Variants in CYP26C1 observed in about 807,000 individuals in gnomAD.
The protein encoded by CYP26C1 is cytochrome P450 family 26 subfamily C member 1.
CYP26C1 carries 41 observed loss-of-function variants against 39.1 expected under a neutral mutation model. The observed-to-expected ratio is 1.05, with a 90% CI of 0.82 to 1.36. The LOEUF (loss-of-function observed/expected upper bound fraction) is 1.36. Ranked by LOEUF, CYP26C1 falls within the 40% of genes most tolerant of loss-of-function variation. The pLI is 0.00. For synonymous variants in CYP26C1, 362 were observed against 350.8 expected, an observed-to-expected ratio of 1.03 and a Z score of -0.36; for missense variants, 833 against 752.0, an observed-to-expected ratio of 1.11 and a Z score of -1.26.
intron 2 of CYP26C1, 138 bp downstream of exon 2, chr10:93,062,372 G>A (rs1846763128): frequency 8.0e-6 from 7 of 875,100 alleles, no homozygotes; most frequent in Non-Finnish European, 1.2e-5. Context: ...GTGGCCTTGG[G>A]CGGGTCCGTT....
chr10:93,068,110 A>G (rs189010676), intron 5 of CYP26C1, among the ~76,000 whole-genome samples: 1 of 152,356 alleles, frequency 6.6e-6, no homozygotes, highest in Non-Finnish European at 1.5e-5. Context: ...ACTGAAGCTC[A>G]GAGAGGCTGC....
At chr10:93,066,361 G>GCCGCCTGCCGCCT in intron 5 of CYP26C1, 76 bp downstream of exon 5, 1 of 1,155,760 alleles carries the variant, frequency 8.7e-7, no homozygotes. Context: ...CGCCTGCCGC[G>GCCGCCTGCCGCCT]GCGGCGCCCA....
At chr10:93,066,366 C>A (rs1280572431) in intron 5 of CYP26C1, 81 bp downstream of exon 5, 9 of 1,208,822 alleles carry the variant, frequency 7.4e-6, no homozygotes, top group African/African-American at 1.6e-5. Context: ...GCCGCGGCGG[C>A]GCCCAGGTGG....
chr10:93,068,315 T>TG lies in CYP26C1; in HGVS notation c.1192-4dup. ...GGTCAGGCTGATCTCCTCGCCTCTC[T>TG]GCAGGGCTACCAGATCCCCAAGGGC... On this transcript the variant is annotated splice_region_variant and splice_polypyrimidine_tract_variant and intron_variant, in intron 5 of 5. Coordinates refer to ENST00000651965, the MANE Select transcript of CYP26C1 (RefSeq NM_183374.3). 1.3e-6 allele frequency: 2 copies of TG among 1,508,406 alleles called. No individual in the cohort carries two copies. The highest frequency in any genetic ancestry group is 1.8e-6 in the Non-Finnish European group (2 of 1,129,582). 93.4% of individuals were successfully genotyped at this position (1,508,406 alleles called of 1,614,324 possible).
At chr10:93,066,610 C>G (rs949198539) in intron 5 of CYP26C1, among the ~76,000 whole-genome samples, 9 of 152,200 alleles carry the variant, frequency 5.9e-5, no homozygotes, top group African/African-American at 2.2e-4. Flanking sequence ...ACTCTTCTAT[C>G]CGTGCAGCAC....
intron 5 of CYP26C1, 102 bp from the exon 6 acceptor site, chr10:93,068,218 G>T: frequency 7.2e-7 from 1 of 1,379,332 alleles, no homozygotes; most frequent in South Asian, 1.9e-5. Flanking sequence ...ATTCCTCCTG[G>T]TTTTCGGAAG....
chr10:93,062,385 C>T, intron 2 of CYP26C1, 151 bp downstream of exon 2: 1 of 759,908 alleles, frequency 1.3e-6, no homozygotes, highest in Non-Finnish European at 2.1e-6. Flanking sequence ...GGTCCGTTAC[C>T]TTCAGCTTCG....
In CYP26C1 at chr10:93,062,163, A is replaced by G. The variant is rs1564951238; in HGVS notation, c.358A>G (p.Ser120Gly). Reference protein sequence around the residue: ...HRLVRSQWPQSAHILLGSHTL... With the variant: ...HRLVRSQWPQGAHILLGSHTL... ...CCTGGTGCGCAGCCAGTGGCCGCAGAGTGCGCACATCCTGCTGGGCTCGCA... is the reference window on the plus strand; with the variant it reads ...CCTGGTGCGCAGCCAGTGGCCGCAGGGTGCGCACATCCTGCTGGGCTCGCA... The change falls in exon 2 of 6, where the codon AGT becomes GGT. Residue 120 changes from serine to glycine, a missense_variant. Coordinates refer to ENST00000651965, the MANE Select transcript of CYP26C1 (RefSeq NM_183374.3). 6.5e-7 allele frequency: 1 copy of G among 1,540,096 alleles called. No individual in the cohort carries two copies. The highest frequency in any genetic ancestry group is 1.2e-5 in the South Asian group (1 of 83,980).
intron 5 of CYP26C1, 55 bp from the exon 6 acceptor site, chr10:93,068,265 G>GC (rs1260762222): frequency 2.6e-5 from 39 of 1,481,796 alleles, no homozygotes; most frequent in East Asian, 9.8e-5. Flanking sequence ...TCAGTTCAGG[G>GC]CCCCCCCGTT....
At position 93,068,727 on chromosome 10, in the gene CYP26C1, C is replaced by T. The variant is rs374265879; in HGVS notation, c.*30C>T. On this transcript the variant is annotated 3_prime_UTR_variant, in exon 6 of 6. Transcript: ENST00000651965. Reference sequence around the variant, plus strand: ...CTTGCGCTCTAGGACACGGCTTGGCCGGTGGCTATGGCGCGCACGCAGCGC... The same window carrying T: ...CTTGCGCTCTAGGACACGGCTTGGCTGGTGGCTATGGCGCGCACGCAGCGC... The T allele has an allele frequency of 1.4e-5, 21 of 1,479,478 alleles. No individual in the cohort carries two copies. The African/African-American group carries it at 3.0e-4, about 21-fold the overall frequency. The allele number at this position is 1,479,478 out of a possible 1,614,324, so 91.6% of individuals were successfully genotyped here.
chr10:93,062,849 G>A lies in CYP26C1; in HGVS notation c.559G>A (p.Ala187Thr), dbSNP rs1255804342. The change falls in exon 3 of 6, where the codon GCG becomes ACG. Residue 187 changes from alanine (A) to threonine (T), a missense_variant. Transcript: ENST00000651965. ...GGTCTCAGTCTACGACGCCTCCAAA[G>A]CGCTCACCTTCCGCATGGCCGCGCG... ...GPVSVYDASKALTFRMAARIL... is the reference protein window; with the variant it reads ...GPVSVYDASKTLTFRMAARIL... 1.3e-6 allele frequency: 2 copies of A among 1,597,400 alleles called. No individual in the cohort carries two copies. The highest frequency in any genetic ancestry group is 1.7e-6 in the Non-Finnish European group (2 of 1,176,964).
Position 93,066,021 on chromosome 10 carries a change from C to A in CYP26C1, c.927C>A (p.Val309=). The change falls in exon 5 of 6, where the codon GTC becomes GTA. Residue 309 remains valine, a synonymous_variant. Coordinates refer to ENST00000651965, the MANE Select transcript of CYP26C1 (RefSeq NM_183374.3). ...FTTASASTSL[V]LLLLQHPAAI... is the part of the protein sequence containing the mutation. ...CGGCCAGTGCCAGCACCTCGCTCGT[C>A]CTGCTGCTACTGCAGCATCCGGCGG... 2 of 1,570,672 alleles carry A rather than the reference C, an allele frequency of 1.3e-6. No individual in the cohort carries two copies. The highest frequency in any genetic ancestry group is 1.7e-6 in the Non-Finnish European group (2 of 1,161,420).
intron 3 of CYP26C1, chr10:93,064,035 C>T (rs1846784106): frequency 9.2e-7 from 1 of 1,084,548 alleles, no homozygotes; most frequent in Non-Finnish European, 1.1e-6. Flanking sequence ...ATGGGCTGAC[C>T]CTAGCCGCAC....
chr10:93,066,377 G>C (rs1235080341), intron 5 of CYP26C1, 92 bp downstream of exon 5: 2 of 1,171,620 alleles, frequency 1.7e-6, no homozygotes, highest in Non-Finnish European at 2.1e-6. Flanking sequence ...GCCCAGGTGG[G>C]AGGAGGGCGG....
chr10:93,067,870 A>G (rs539841216), intron 5 of CYP26C1, among the ~76,000 whole-genome samples: 117 of 152,322 alleles, frequency 7.7e-4, no homozygotes, highest in Non-Finnish European at 1.4e-3. Context: ...GAGCTCTACC[A>G]TGGAACTGAC....
chr10:93,068,256 C>T (rs1846851873), intron 5 of CYP26C1, 64 bp from the exon 6 acceptor site: 2 of 1,451,728 alleles, frequency 1.4e-6, no homozygotes, highest in South Asian at 1.6e-5. Context: ...GGTGGAGGGT[C>T]AGTTCAGGGC....
intron 5 of CYP26C1, among the ~76,000 whole-genome samples, chr10:93,067,930 T>C (rs1846847148): frequency 6.6e-6 from 1 of 152,148 alleles, no homozygotes; most frequent in Admixed American, 6.5e-5. Flanking sequence ...CTGGGAGGTG[T>C]AGCACTAGAA....
Position 93,068,547 on chromosome 10 carries a change from T to C in CYP26C1, c.1419T>C (p.Ala473=). 1 of 1,598,708 alleles carries C rather than the reference T, an allele frequency of 6.3e-7. No homozygotes were observed. The highest frequency in any genetic ancestry group is 1.1e-5 in the South Asian group (1 of 89,296). Residue 473 remains alanine (A), a synonymous_variant, in exon 6 of 6, where the codon GCT becomes GCC. Coordinates refer to ENST00000651965, the MANE Select transcript of CYP26C1 (RefSeq NM_183374.3). ...ELAQAVLQLL[A]VELVRTARWE... ...CGCAAGCCGTGCTCCAGCTGCTAGC[T>C]GTGGAGCTAGTGCGCACCGCGCGCT...
intron 1 of CYP26C1, 25 bp downstream of exon 1, chr10:93,061,492 G>T (rs777714330): frequency 1.9e-6 from 3 of 1,548,192 alleles, no homozygotes. Context: ...GACCCCGAGC[G>T]CTAATACGGT....
Sources: gnomAD v4.1 joint callset for allele counts (sites outside exome capture counted in the v4.1 genomes callset) on GRCh38, gnomAD v4.1.1 for gene constraint, MANE v1.5 for transcripts, NCBI Gene and HGNC (gene_info 2026-07-23, HGNC 2026-07-21) for gene names.